TANK: variants seen among roughly 807,000 people sequenced by gnomAD.
The protein encoded by TANK is TRAF family member associated NFKB activator.
In TANK, 15 loss-of-function variants were observed where a neutral mutation model predicts 43.6. That is an observed-to-expected ratio of 0.34 (90% confidence interval 0.23 to 0.53). The LOEUF (loss-of-function observed/expected upper bound fraction) is 0.53. TANK is among the 20% of genes least tolerant of loss of function. TANK has a pLI of 0.94. For synonymous variants in TANK, 162 were observed against 178.2 expected, an observed-to-expected ratio of 0.91 and a Z score of 0.73; for missense variants, 417 against 498.6, an observed-to-expected ratio of 0.84 and a Z score of 1.56.
chr2:161,185,274 A>G (rs2105307861), intron 2 of TANK, among the ~76,000 whole-genome samples: 1 of 152,314 alleles, frequency 6.6e-6, no homozygotes, highest in East Asian at 1.9e-4. Flanking sequence ...CAAGAAATCT[A>G]GTAAGATGAC....
At chr2:161,205,385 GGT>G (rs912863657) in intron 4 of TANK, among the ~76,000 whole-genome samples, 1 of 151,516 alleles carries the variant, frequency 6.6e-6, no homozygotes, top group Non-Finnish European at 1.5e-5. Context: ...GTGTGTGTGT[GGT>G]GTGTGTGTGT....
intron 2 of TANK, among the ~76,000 whole-genome samples, chr2:161,202,134 T>C (rs910296884): frequency 1.3e-5 from 2 of 151,132 alleles, no homozygotes; most frequent in African/African-American, 4.9e-5. Context: ...GTATTACTTA[T>C]AAAAGTTCAC....
intron 1 of TANK, among the ~76,000 whole-genome samples, chr2:161,166,294 A>G (rs987569568): frequency 1.3e-5 from 2 of 152,260 alleles, no homozygotes; most frequent in South Asian, 4.1e-4. Context: ...ACAATATGCT[A>G]TGGGTATATT....
rs924007535 is a variant in TANK, at chr2:161,182,066, T to C, written c.99+2305T>C. Among the ~76,000 whole-genome samples, 3 of 151,922 alleles carry C rather than the reference T, an allele frequency of 2.0e-5. No individual in the cohort carries two copies. In the South Asian group the frequency reaches 6.2e-4, roughly 32 times the overall value. ...AGGAGAACAGGAGAACGTCACAGAA[T>C]TGAAGTTTAGAATTTGGATTTTTTT... On this transcript the variant is annotated intron_variant, in intron 2 of 7. Transcript: ENST00000392749.
At chr2:161,143,333 G>T (rs1005285741) in intron 1 of TANK, among the ~76,000 whole-genome samples, 1 of 152,086 alleles carries the variant, frequency 6.6e-6, no homozygotes, top group African/African-American at 2.4e-5. Context: ...TTGCCTGATT[G>T]CCCTGGCCAG....
intron 1 of TANK, among the ~76,000 whole-genome samples, chr2:161,152,374 T>G (rs1215817557): frequency 6.6e-6 from 1 of 152,210 alleles, no homozygotes; most frequent in African/African-American, 2.4e-5. Context: ...TCAAAATGTC[T>G]TAATTTCTTC....
chr2:161,197,266 T>G (rs1189199979), intron 2 of TANK: 2 of 152,254 alleles, frequency 1.3e-5, no homozygotes, highest in Non-Finnish European at 2.9e-5. Context: ...AATCGTTTAG[T>G]CCATTTTGTC....
chr2:161,208,234 T>A, intron 4 of TANK: 1 of 985,236 alleles, frequency 1.0e-6, no homozygotes, highest in Non-Finnish European at 1.2e-6. Flanking sequence ...AGAGGGATAT[T>A]TGAAGGGGAA....
At position 161,230,980 on chromosome 2, in the gene TANK, G is replaced by T; in HGVS notation, c.530G>T (p.Cys177Phe). 7 of 1,613,662 alleles carry T rather than the reference G, an allele frequency of 4.3e-6. No homozygotes were observed. The highest frequency in any genetic ancestry group is 5.9e-6 in the Non-Finnish European group (7 of 1,179,652). The part of the protein sequence containing the change: ...NIPDTATETQ[C>F]SVPIQCTDKT... ...GTTCTTCTCCCTCCAGAAACACAGT[G>T]CTCTGTGCCTATACAGTGTACGGAT... Residue 177 changes from cysteine (C) to phenylalanine (F), a missense_variant, in exon 7 of 8, where the codon TGC becomes TTC. Coordinates refer to ENST00000392749, the MANE Select transcript of TANK (RefSeq NM_001199135.3).
chr2:161,141,719 CCTGT>C (rs1458811560), intron 1 of TANK, among the ~76,000 whole-genome samples: 5 of 152,108 alleles, frequency 3.3e-5, no homozygotes, highest in Non-Finnish European at 7.4e-5. Context: ...TTTTCTTTAT[CCTGT>C]CTATCACTGA....
At chr2:161,137,274 A>G in intron 1 of TANK, 1 of 983,678 alleles carries the variant, frequency 1.0e-6, no homozygotes. Flanking sequence ...CTATAATCCT[A>G]GCACTTTGGG....
At chr2:161,201,703 T>G (rs1686420988) in intron 2 of TANK, among the ~76,000 whole-genome samples, 1 of 152,210 alleles carries the variant, frequency 6.6e-6, no homozygotes, top group Admixed American at 6.5e-5. Context: ...CAAGTAAATC[T>G]AAGGTATTTA....
chr2:161,224,117 A>C (rs1687489285), intron 5 of TANK, 126 bp downstream of exon 5: 2 of 597,706 alleles, frequency 3.3e-6, no homozygotes, highest in Admixed American at 3.2e-5. Flanking sequence ...GGAAGTGACC[A>C]ACCCCAGAAT....
At chr2:161,193,855 T>G (rs772662356) in intron 2 of TANK, among the ~76,000 whole-genome samples, 8 of 152,172 alleles carry the variant, frequency 5.3e-5, no homozygotes, top group African/African-American at 1.2e-4. Context: ...ATATATCCTC[T>G]AGCTGGGTGA....
chr2:161,184,105 A>G (rs768363498), intron 2 of TANK, among the ~76,000 whole-genome samples: 2 of 152,112 alleles, frequency 1.3e-5, no homozygotes, highest in African/African-American at 4.8e-5. Context: ...AGAGTATATG[A>G]TACATTTCAT....
At chr2:161,216,500 T>G (rs1687122573) in intron 4 of TANK, 1 of 435,846 alleles carries the variant, frequency 2.3e-6, no homozygotes, top group Non-Finnish European at 4.6e-6. Context: ...TCTTCCTACT[T>G]TTTTTCTTTT....
At chr2:161,160,325 G>A, upstream of TANK, 5 of 823,608 alleles carry the variant, frequency 6.1e-6, no homozygotes, top group Non-Finnish European at 8.1e-6. Flanking sequence ...GTGGGGCAGG[G>A]CGGAAGGGCC....
intron 2 of TANK, chr2:161,201,149 G>A (rs1003307109): frequency 1.7e-5 from 17 of 985,266 alleles, no homozygotes; most frequent in Non-Finnish European, 1.9e-5. Flanking sequence ...TACTTCCAGA[G>A]TGTTGGTTTT....
chr2:161,203,151 G>T (rs578051516), intron 2 of TANK, among the ~76,000 whole-genome samples: 2 of 151,370 alleles, frequency 1.3e-5, no homozygotes, highest in South Asian at 2.1e-4. Flanking sequence ...AGCATCTGTT[G>T]TATCATTTGT....
Sources: allele counts gnomAD v4.1 joint callset (sites outside exome capture counted in the v4.1 genomes callset), GRCh38; gene constraint gnomAD v4.1.1; transcripts MANE v1.5; gene names NCBI Gene and HGNC (gene_info 2026-07-23, HGNC 2026-07-21).